SRRM2: variants seen among roughly 807,000 people sequenced by gnomAD.
SRRM2 encodes serine/arginine repetitive matrix protein 2.
A neutral mutation model predicts 213.8 loss-of-function variants in SRRM2; 30 were observed. The ratio of observed to expected loss-of-function variants is 0.14; its 90% CI spans 0.10 to 0.19. The LOEUF (loss-of-function observed/expected upper bound fraction) is 0.19, where lower values mean the gene tolerates loss of function less well. SRRM2 is among the 10% of genes least tolerant of loss of function. SRRM2 has a pLI of 1.00. For synonymous variants in SRRM2, 2,025 were observed against 1,377.7 expected (o/e 1.47, Z -10.40); for missense variants, 4,904 against 3,647.0 (o/e 1.34, Z -8.88).
At position 2,767,333 on chromosome 16, in the gene SRRM2, A is replaced by G. The variant is rs2068578436; in HGVS notation, c.6805A>G (p.Asn2269Asp). 1 of 1,613,870 alleles carries G rather than the reference A, an allele frequency of 6.2e-7. No homozygotes were observed. Among genetic ancestry groups the G allele is most frequent in the Non-Finnish European group, 8.5e-7 (1 of 1,180,030 alleles). ...AACGCCAGCTGCAGCAGCGGCCATG[A>G]ACTTGGCCAGCCCCAGAACAGCGGT... Reference protein sequence around the residue: ...SRTPAAAAAMNLASPRTAVAP... With the variant: ...SRTPAAAAAMDLASPRTAVAP... Residue 2269 changes from asparagine (N) to aspartate (D), a missense_variant, in exon 11 of 15, where the codon AAC becomes GAC. Asn to Asp is a conservative substitution (Grantham distance 23). Coordinates refer to ENST00000301740, the MANE Select transcript of SRRM2 (RefSeq NM_016333.4).
intron 1 of SRRM2, among the ~76,000 whole-genome samples, chr16:2,754,979 G>A (rs768283722): frequency 5.3e-5 from 8 of 152,168 alleles, no homozygotes; most frequent in Non-Finnish European, 8.8e-5. Context: ...TTTGTATGAT[G>A]CTTCTTCATT....
intron 1 of SRRM2, chr16:2,753,507 C>T (rs1408899358): frequency 1.2e-4 from 19 of 152,242 alleles, no homozygotes; most frequent in Non-Finnish European, 4.4e-5. Context: ...TGAACGTGTT[C>T]AGTTTACATT....
rs755912977 is a variant in SRRM2, at chr16:2,769,197, C to G, written c.7934C>G (p.Ser2645Trp). 2 of 1,607,880 alleles carry G rather than the reference C, an allele frequency of 1.2e-6. No individual in the cohort carries two copies. Among genetic ancestry groups the G allele is most frequent in the Non-Finnish European group, 8.5e-7 (1 of 1,177,240 alleles). ...SSSSSSSSSS[S>W]SSSPSPAKPG... ...TCCTCCTCATCTTCCTCCTCCTCGT[C>G]GTCTTCCTCCCCTTCCCCTGCTAAG... is the stretch of plus-strand genomic sequence containing the variant. The change falls in exon 12 of 15, where the codon TCG becomes TGG. Residue 2645 changes from serine to tryptophan, a missense_variant. Physicochemically the swap from Ser to Trp is radical, Grantham distance 177 (BLOSUM62 -3). Coordinates refer to ENST00000301740, the MANE Select transcript of SRRM2 (RefSeq NM_016333.4).
Position 2,759,059 on chromosome 16 carries a change from G to T in SRRM2, c.656+12G>T. ...AAGAAGAAGCACAGGTATGAGGTGG[G>T]AATACTTGAATGACTGGAGAAGGTT... On this transcript the variant is annotated intron_variant, in intron 6 of 14. Coordinates refer to ENST00000301740, the MANE Select transcript of SRRM2 (RefSeq NM_016333.4). 1 of 1,614,200 alleles carries T rather than the reference G, an allele frequency of 6.2e-7. No individual in the cohort carries two copies. The highest frequency in any genetic ancestry group is 1.1e-5 in the South Asian group (1 of 91,082).
Position 2,769,233 on chromosome 16 carries a change from A to C in SRRM2, c.7970A>C (p.Gln2657Pro). The C allele has an allele frequency of 6.3e-7, 1 of 1,588,080 alleles. No homozygotes were observed. Among genetic ancestry groups the C allele is most frequent in the Non-Finnish European group, 8.6e-7 (1 of 1,166,972 alleles). ...SSPSPAKPGP[Q>P]ALPKPASPKK... ...CCTTCCCCTGCTAAGCCTGGCCCTC[A>C]GGCCTTGCCCAAACCTGCAAGCCCC... The change falls in exon 12 of 15, where the codon CAG becomes CCG. Residue 2657 changes from glutamine to proline, a missense_variant. By Grantham distance (76) the Gln-to-Pro change is moderately conservative (BLOSUM62 -1). Transcript: ENST00000301740.
chr16:2,769,020 C>G lies in SRRM2; in HGVS notation c.7757C>G (p.Pro2586Arg), dbSNP rs758713151. ...LKRVPSPTPAPKEAVREGRPP... is the reference protein window; with the variant it reads ...LKRVPSPTPARKEAVREGRPP... ...AGGGTCCCCAGCCCCACCCCAGCCC[C>G]AAAGGAGGCTGTTCGAGAGGGACGT... Residue 2586 changes from proline to arginine, a missense_variant, in exon 12 of 15, where the codon CCA becomes CGA. Coordinates refer to ENST00000301740, the MANE Select transcript of SRRM2 (RefSeq NM_016333.4). The G allele has an allele frequency of 1.2e-6, 2 of 1,614,080 alleles. No individual in the cohort carries two copies.
At chr16:2,759,202 A>AGT in intron 7 of SRRM2, 30 bp downstream of exon 7, 7 of 1,613,232 alleles carry the variant, frequency 4.3e-6, no homozygotes, top group Non-Finnish European at 5.9e-6. Flanking sequence ...TAGGGGGCGC[A>AGT]GTGGCATGTG....
At position 2,763,109 on chromosome 16, in the gene SRRM2, A is replaced by G; in HGVS notation, c.2581A>G (p.Asn861Asp). The G allele has an allele frequency of 6.2e-7, 1 of 1,614,188 alleles. No homozygotes were observed. Among genetic ancestry groups the G allele is most frequent in the Non-Finnish European group, 8.5e-7 (1 of 1,180,030 alleles). Residue 861 changes from asparagine (N) to aspartate (D), a missense_variant, in exon 11 of 15, where the codon AAT becomes GAT. Asn to Asp is a conservative substitution (Grantham distance 23). Transcript: ENST00000301740. ...RQGSITSPQA[N>D]EQSVTPQRRS... is the part of the protein sequence containing the mutation. ...AGGGTCCATAACAAGTCCCCAGGCCAATGAGCAATCTGTAACGCCACAGAG... is the reference window on the plus strand; with the variant it reads ...AGGGTCCATAACAAGTCCCCAGGCCGATGAGCAATCTGTAACGCCACAGAG...
At chr16:2,760,019 A>G in intron 9 of SRRM2, 1 of 550,520 alleles carries the variant, frequency 1.8e-6, no homozygotes, top group East Asian at 3.1e-5. Flanking sequence ...GTGAGTTGTG[A>G]ATGAAGCGGG....
intron 11 of SRRM2, chr16:2,768,654 C>T (rs1399310024): frequency 6.2e-6 from 4 of 645,848 alleles, no homozygotes; most frequent in Non-Finnish European, 1.1e-5. Flanking sequence ...CCCAGCCAAC[C>T]TGCACTCACA....
At position 2,764,381 on chromosome 16, in the gene SRRM2, G is replaced by C. The variant is rs767615394; in HGVS notation, c.3853G>C (p.Asp1285His). Residue 1285 changes from aspartate to histidine, a missense_variant, in exon 11 of 15, where the codon GAT becomes CAT. By Grantham distance (81) the Asp-to-His change is moderately conservative (BLOSUM62 -1). Coordinates refer to ENST00000301740, the MANE Select transcript of SRRM2 (RefSeq NM_016333.4). ...EERPAVSLTL[D>H]QSQSQASLEA... is the part of the protein sequence containing the mutation. ...AAGGCCTGCTGTGTCTTTGACTCTT[G>C]ATCAGAGCCAGTCACAGGCTTCTTT... is the stretch of plus-strand genomic sequence containing the variant. The C allele has an allele frequency of 1.9e-6, 3 of 1,613,928 alleles. No individual in the cohort carries two copies. Among genetic ancestry groups the C allele is most frequent in the African/African-American group, 2.7e-5 (2 of 74,902 alleles).
intron 1 of SRRM2, among the ~76,000 whole-genome samples, chr16:2,755,988 A>G (rs544018692): frequency 6.6e-6 from 1 of 152,310 alleles, no homozygotes; most frequent in African/African-American, 2.4e-5. Context: ...AAGGAGAACA[A>G]AAAGGGACAG....
At position 2,760,383 on chromosome 16, in the gene SRRM2, G is replaced by A; in HGVS notation, c.916G>A (p.Gly306Arg). The change falls in exon 10 of 15, where the codon GGA (glycine) becomes AGA (arginine). Residue 306 changes from glycine (G) to arginine (R), a missense_variant. Coordinates refer to ENST00000301740, the MANE Select transcript of SRRM2 (RefSeq NM_016333.4). ...CCCTGCTTCAGGGCGACGCGGGGAG[G>A]GAGATGCGCCTTTCAGTGAACCAGG... is the stretch of plus-strand genomic sequence containing the variant. ...PSPASGRRGE[G>R]DAPFSEPGTT... 6.2e-7 allele frequency: 1 copy of A among 1,614,122 alleles called. No homozygotes were observed. Among genetic ancestry groups the A allele is most frequent in the Non-Finnish European group, 8.5e-7 (1 of 1,180,028 alleles).
In SRRM2 at chr16:2,771,408, A is replaced by T; in HGVS notation, c.*541A>T. On this transcript the variant is annotated 3_prime_UTR_variant, in exon 15 of 15. Coordinates refer to ENST00000301740, the MANE Select transcript of SRRM2 (RefSeq NM_016333.4). ...TCTGTCAAATAAAAATGAGAAATGC[A>T]GGAACTGGGTCTGTAGACTGTTTAT... is the stretch of plus-strand genomic sequence containing the variant. 6.2e-7 allele frequency: 1 copy of T among 1,611,324 alleles called. No homozygotes were observed. Among genetic ancestry groups the T allele is most frequent in the Non-Finnish European group, 8.5e-7 (1 of 1,177,694 alleles).
Position 2,770,855 on chromosome 16 carries a change from C to A in SRRM2, c.8250-3C>A, listed in dbSNP as rs532072877. ...CCCTGTTGACCCATATCTTCTCTTG[C>A]AGGTCTCCATAAATTGTCTTTGGGG... On this transcript the variant is annotated splice_polypyrimidine_tract_variant and splice_region_variant and intron_variant, in intron 14 of 14. Transcript: ENST00000301740. 5 of 1,614,054 alleles carry A rather than the reference C, an allele frequency of 3.1e-6. No individual in the cohort carries two copies. In the South Asian group the frequency reaches 5.5e-5, roughly 18 times the overall value.
chr16:2,770,720 G>A lies in SRRM2; in HGVS notation c.8249+3G>A. 1 of 1,569,360 alleles carries A rather than the reference G, an allele frequency of 6.4e-7. No individual in the cohort carries two copies. Among genetic ancestry groups the A allele is most frequent in the South Asian group, 1.2e-5 (1 of 86,290 alleles). ...CCCATGAGACACCGCTCCTCCAGGT[G>A]CGTGTCCTGGAAGGCTGATGCCCCC... On this transcript the variant is annotated splice_donor_region_variant and intron_variant, in intron 14 of 14. Coordinates refer to ENST00000301740, the MANE Select transcript of SRRM2 (RefSeq NM_016333.4).
intron 2 of SRRM2, 71 bp downstream of exon 2, chr16:2,756,677 G>A (rs2068153290): frequency 6.5e-7 from 1 of 1,527,522 alleles, no homozygotes; most frequent in Middle Eastern, 1.8e-4. Flanking sequence ...GGGATGTATA[G>A]GGAGCTTAGG....
At position 2,756,488 on chromosome 16, in the gene SRRM2, C is replaced by A; in HGVS notation, c.124C>A (p.Leu42Met). The A allele has an allele frequency of 6.2e-7, 1 of 1,613,942 alleles. No individual in the cohort carries two copies. The highest frequency in any genetic ancestry group is 8.5e-7 in the Non-Finnish European group (1 of 1,179,944). The change falls in exon 2 of 15, where the codon CTG becomes ATG. Residue 42 changes from leucine (L) to methionine (M), a missense_variant. Physicochemically the swap from Leu to Met is conservative, Grantham distance 15 (BLOSUM62 2). Coordinates refer to ENST00000301740, the MANE Select transcript of SRRM2 (RefSeq NM_016333.4). ...ERPDYKGEEELRRLEAALVKR... is the reference protein window; with the variant it reads ...ERPDYKGEEEMRRLEAALVKR... Reference sequence around the variant, plus strand: ...GCCTGACTACAAGGGAGAGGAGGAACTGCGGCGCCTGGAGGCTGCCCTGGT... The same window carrying A: ...GCCTGACTACAAGGGAGAGGAGGAAATGCGGCGCCTGGAGGCTGCCCTGGT...
Position 2,770,887 on chromosome 16 carries a change from A to G in SRRM2, c.*20A>G. ...CCATAAATTGTCTTTGGGGGATTCC[A>G]CCACACCCAATGCTCTGGAGCCACA... On this transcript the variant is annotated 3_prime_UTR_variant, in exon 15 of 15. Coordinates refer to ENST00000301740, the MANE Select transcript of SRRM2 (RefSeq NM_016333.4). 6.2e-7 allele frequency: 1 copy of G among 1,613,548 alleles called. No homozygotes were observed. The highest frequency in any genetic ancestry group is 8.5e-7 in the Non-Finnish European group (1 of 1,179,906).
Sources: gnomAD v4.1 joint callset for allele counts (sites outside exome capture counted in the v4.1 genomes callset) on GRCh38, gnomAD v4.1.1 for gene constraint, MANE v1.5 for transcripts, NCBI Gene and HGNC (gene_info 2026-07-23, HGNC 2026-07-21) for gene names.